The following TMEM132C variants were observed in gnomAD, a reference collection of about 807,000 sequenced individuals.
TMEM132C encodes transmembrane protein 132C, also known as protein phosphatase 1, regulatory subunit 152.
In TMEM132C, 29 loss-of-function variants were observed where a neutral mutation model predicts 61.4. The ratio of observed to expected loss-of-function variants is 0.47; its 90% CI spans 0.35 to 0.64. The LOEUF (loss-of-function observed/expected upper bound fraction) is 0.64, where lower values mean the gene tolerates loss of function less well. TMEM132C is among the 30% of genes least tolerant of loss of function. TMEM132C has a pLI of 0.00. For synonymous variants in TMEM132C, 656 were observed against 633.1 expected (o/e 1.04, Z -0.54); for missense variants, 1,408 against 1,476.9 (o/e 0.95, Z 0.76).
intron 2 of TMEM132C, among the ~76,000 whole-genome samples, chr12:128,426,655 T>C (rs1340876664): frequency 6.6e-6 from 1 of 152,166 alleles, no homozygotes; most frequent in Non-Finnish European, 1.5e-5. Flanking sequence ...TTCTTTCTGC[T>C]TGGGAAGAAG....
At chr12:128,349,823 C>T (rs868624557) in intron 1 of TMEM132C, among the ~76,000 whole-genome samples, 2 of 152,234 alleles carry the variant, frequency 1.3e-5, no homozygotes, top group Middle Eastern at 6.8e-3. Flanking sequence ...AAATTCTCCT[C>T]TTTTCTCTCT....
At chr12:128,353,881 C>T (rs1008319224) in intron 1 of TMEM132C, among the ~76,000 whole-genome samples, 1 of 152,300 alleles carries the variant, frequency 6.6e-6, no homozygotes, top group East Asian at 1.9e-4. Flanking sequence ...GCTGCTTCCT[C>T]GTATCACGGG....
chr12:128,374,197 G>A (rs1225755056), intron 1 of TMEM132C, among the ~76,000 whole-genome samples: 4 of 152,176 alleles, frequency 2.6e-5, no homozygotes, highest in Non-Finnish European at 5.9e-5. Context: ...GGGACATCCG[G>A]GAGACTATTG....
At chr12:128,394,229 G>GCTTC (rs1381044302) in intron 1 of TMEM132C, among the ~76,000 whole-genome samples, 1 of 152,108 alleles carries the variant, frequency 6.6e-6, no homozygotes, top group Non-Finnish European at 1.5e-5. Flanking sequence ...CTACCCCCAT[G>GCTTC]CTTCAATTAT....
At chr12:128,309,423 A>G (rs550408631) in intron 1 of TMEM132C, among the ~76,000 whole-genome samples, 8 of 152,312 alleles carry the variant, frequency 5.3e-5, no homozygotes, top group Middle Eastern at 6.8e-3. Context: ...GAAGTGTACA[A>G]TTCAGTGGTA....
chr12:128,608,327 T>C (rs926975868), intron 3 of TMEM132C, among the ~76,000 whole-genome samples: 3 of 152,172 alleles, frequency 2.0e-5, no homozygotes, highest in Admixed American at 1.3e-4. Flanking sequence ...TCCCTGCATA[T>C]TAGAATCACC....
chr12:128,443,684 G>A (rs889208943), intron 2 of TMEM132C, among the ~76,000 whole-genome samples: 2 of 152,220 alleles, frequency 1.3e-5, no homozygotes, highest in African/African-American at 2.4e-5. Context: ...CACAGCCTGA[G>A]ACCAGCCTCC....
At chr12:128,701,125 C>T (rs1044873368) in intron 8 of TMEM132C, among the ~76,000 whole-genome samples, 1 of 152,124 alleles carries the variant, frequency 6.6e-6, no homozygotes, top group African/African-American at 2.4e-5. Flanking sequence ...AATATAACAA[C>T]TTCCATGAGT....
intron 2 of TMEM132C, among the ~76,000 whole-genome samples, chr12:128,493,262 A>G (rs1871814307): frequency 6.6e-6 from 1 of 152,176 alleles, no homozygotes; most frequent in South Asian, 2.1e-4. Context: ...GCCTTGTAAT[A>G]TAGTTTGAAG....
intron 1 of TMEM132C, among the ~76,000 whole-genome samples, chr12:128,319,354 C>CGAGAGAGAGAGAGAGAGAGAGAGAGAGA (rs71449340): frequency 8.0e-5 from 12 of 149,384 alleles, no homozygotes; most frequent in African/African-American, 2.9e-4. Flanking sequence ...TTTGCAGTCC[C>CGAGAGAGAGAGAGAGAGAGAGAGAGAGA]GAGAGAGAGA....
At chr12:128,268,055 G>C (rs1305727231) in intron 1 of TMEM132C, among the ~76,000 whole-genome samples, 2 of 152,154 alleles carry the variant, frequency 1.3e-5, no homozygotes, top group African/African-American at 4.8e-5. Flanking sequence ...GCTCACCAGG[G>C]ACCCCAGCTT....
intron 1 of TMEM132C, among the ~76,000 whole-genome samples, chr12:128,343,349 G>C (rs1873039409): frequency 6.6e-6 from 1 of 150,638 alleles, no homozygotes; most frequent in African/African-American, 2.5e-5. Context: ...ACCTGAACCT[G>C]AGAGGCGGAG....
chr12:128,700,235 G>C lies in TMEM132C; in HGVS notation c.2121+2820G>C, dbSNP rs528770760. On this transcript the variant is annotated intron_variant, in intron 8 of 8. Transcript: ENST00000435159. ...TGTAGTTCATCTGATTTGCAGACAC[G>C]ACTCTTGAAAGGATAGAGCTCTAAA... Among the ~76,000 whole-genome samples the C allele has an allele frequency of 2.5e-4, 38 of 152,260 alleles. 1 individual carries two copies. The South Asian group carries it at 7.9e-3, about 32-fold the overall frequency.
intron 1 of TMEM132C, among the ~76,000 whole-genome samples, chr12:128,318,346 A>C (rs976304081): frequency 6.6e-6 from 1 of 152,228 alleles, no homozygotes. Context: ...TGTTACTTGC[A>C]TTTTCCTGGC....
At chr12:128,452,208 C>A (rs1318644589) in intron 2 of TMEM132C, among the ~76,000 whole-genome samples, 2 of 151,972 alleles carry the variant, frequency 1.3e-5, no homozygotes, top group Non-Finnish European at 2.9e-5. Flanking sequence ...GATCCTCTCA[C>A]CTCAGGCTCC....
chr12:128,691,076 A>G (rs1954716088), intron 5 of TMEM132C, among the ~76,000 whole-genome samples: 1 of 152,254 alleles, frequency 6.6e-6, no homozygotes, highest in Non-Finnish European at 1.5e-5. Context: ...GACAGAAGAC[A>G]GATAAGCAAA....
At chr12:128,449,837 T>C (rs1870121398) in intron 2 of TMEM132C, among the ~76,000 whole-genome samples, 1 of 152,174 alleles carries the variant, frequency 6.6e-6, no homozygotes. Flanking sequence ...TCGAAACTCT[T>C]TGCCAGGGAA....
intron 3 of TMEM132C, 107 bp from the exon 4 acceptor site, chr12:128,616,045 A>G: frequency 1.5e-6 from 2 of 1,353,506 alleles, no homozygotes; most frequent in Non-Finnish European, 9.9e-7. Context: ...CCCTGGAGCC[A>G]TCCCTGAGAT....
intron 4 of TMEM132C, among the ~76,000 whole-genome samples, chr12:128,654,647 G>A (rs1954306257): frequency 1.3e-5 from 2 of 152,168 alleles, no homozygotes; most frequent in African/African-American, 2.4e-5. Flanking sequence ...GGATCTCCGA[G>A]CTAACTAGGA....
Sources: allele counts gnomAD v4.1 joint callset (sites outside exome capture counted in the v4.1 genomes callset), GRCh38; gene constraint gnomAD v4.1.1; transcripts MANE v1.5; gene names NCBI Gene and HGNC (gene_info 2026-07-23, HGNC 2026-07-21).